LRRC4C: variants seen among roughly 807,000 people sequenced by gnomAD.
LRRC4C encodes leucine-rich repeat-containing protein 4C.
LRRC4C carries 5 observed loss-of-function variants against 33.6 expected under a neutral mutation model. That is an observed-to-expected ratio of 0.15 (90% confidence interval 0.08 to 0.31). LRRC4C has a LOEUF of 0.31. Ranked by LOEUF, LRRC4C falls within the 10% of genes least tolerant of loss-of-function variation. The pLI is 1.00. For synonymous variants in LRRC4C, 329 were observed against 302.0 expected, an observed-to-expected ratio of 1.09 and a Z score of -0.93; for missense variants, 560 against 796.7, an observed-to-expected ratio of 0.70 and a Z score of 3.58.
At chr11:40,472,684 A>C (rs2138308222) in intron 3 of LRRC4C, among the ~76,000 whole-genome samples, 1 of 151,988 alleles carries the variant, frequency 6.6e-6, no homozygotes, top group Admixed American at 6.5e-5. Flanking sequence ...TGGTTTTTTG[A>C]AAAGATTAAC....
At chr11:40,430,868 A>G (rs1356414747) in intron 3 of LRRC4C, among the ~76,000 whole-genome samples, 3 of 142,246 alleles carry the variant, frequency 2.1e-5, no homozygotes, top group Admixed American at 7.5e-5. Context: ...AACACCGCAT[A>G]TTCTCACTCA....
At chr11:41,283,457 G>C (rs904075009) in intron 1 of LRRC4C, among the ~76,000 whole-genome samples, 3 of 152,142 alleles carry the variant, frequency 2.0e-5, no homozygotes, top group African/African-American at 7.2e-5. Flanking sequence ...GCCTGTTTTT[G>C]AAAGGGCCCC....
At chr11:40,896,110 T>C (rs1955928131) in intron 2 of LRRC4C, among the ~76,000 whole-genome samples, 1 of 152,188 alleles carries the variant, frequency 6.6e-6, no homozygotes, top group Non-Finnish European at 1.5e-5. Flanking sequence ...TTATGTTTCC[T>C]TCACCTCTAT....
chr11:41,170,637 A>T (rs1160445787), intron 1 of LRRC4C, among the ~76,000 whole-genome samples: 1 of 152,362 alleles, frequency 6.6e-6, no homozygotes, highest in East Asian at 1.9e-4. Flanking sequence ...TGTTAGACCT[A>T]AAACCATAAA....
chr11:40,510,383 T>C (rs914017464), intron 3 of LRRC4C, among the ~76,000 whole-genome samples: 2 of 151,880 alleles, frequency 1.3e-5, no homozygotes, highest in African/African-American at 2.4e-5. Flanking sequence ...ATGGGTCTAG[T>C]TGATTTCGTA....
intron 1 of LRRC4C, among the ~76,000 whole-genome samples, chr11:41,374,691 T>C (rs540397681): frequency 6.6e-6 from 1 of 152,310 alleles, no homozygotes; most frequent in East Asian, 1.9e-4. Context: ...AGGATTTACA[T>C]ATAGACAGGG....
intron 1 of LRRC4C, among the ~76,000 whole-genome samples, chr11:41,341,237 C>G (rs375870033): frequency 6.6e-6 from 1 of 152,002 alleles, no homozygotes; most frequent in Admixed American, 6.6e-5. Flanking sequence ...CTTAGAATGA[C>G]CTAGTTCTTT....
intron 3 of LRRC4C, among the ~76,000 whole-genome samples, chr11:40,569,279 A>T (rs1048646094): frequency 3.9e-5 from 6 of 152,178 alleles, no homozygotes; most frequent in African/African-American, 1.4e-4. Context: ...TCAGATGCTG[A>T]AACTGATATA....
chr11:40,756,679 T>C (rs1421464359), intron 2 of LRRC4C, among the ~76,000 whole-genome samples: 2 of 152,232 alleles, frequency 1.3e-5, no homozygotes, highest in Admixed American at 6.6e-5. Context: ...TAAAACGTCC[T>C]CAAAATGCAA....
intron 4 of LRRC4C, among the ~76,000 whole-genome samples, chr11:40,268,983 C>T (rs1218445430): frequency 6.6e-6 from 1 of 152,158 alleles, no homozygotes; most frequent in African/African-American, 2.4e-5. Flanking sequence ...GAATTCAGTA[C>T]TTTTTGGCTT....
intron 3 of LRRC4C, among the ~76,000 whole-genome samples, chr11:40,577,832 CTTT>C (rs56061263): frequency 0.01 from 1,243 of 119,216 alleles, 9 homozygotes; most frequent in African/African-American, 0.038. Context: ...TTTCTTTTTT[CTTT>C]TTTTTTTTTT....
intron 5 of LRRC4C, among the ~76,000 whole-genome samples, chr11:40,230,046 T>C (rs1404040810): frequency 6.6e-6 from 1 of 152,194 alleles, no homozygotes; most frequent in Admixed American, 6.5e-5. Context: ...TCCACATCCT[T>C]GGCAGTCAGA....
chr11:40,856,033 T>C (rs1312590083), intron 2 of LRRC4C, among the ~76,000 whole-genome samples: 3 of 152,154 alleles, frequency 2.0e-5, no homozygotes, highest in African/African-American at 7.2e-5. Context: ...TTACTTTTTC[T>C]TTCTGTGGTA....
intron 1 of LRRC4C, among the ~76,000 whole-genome samples, chr11:41,039,177 G>T (rs1413066215): frequency 1.3e-5 from 2 of 152,090 alleles, no homozygotes; most frequent in Non-Finnish European, 2.9e-5. Flanking sequence ...CACAGGGGTC[G>T]TATATAACCT....
chr11:41,364,866 T>C (rs1952478722), intron 1 of LRRC4C, among the ~76,000 whole-genome samples: 1 of 152,112 alleles, frequency 6.6e-6, no homozygotes, highest in African/African-American at 2.4e-5. Flanking sequence ...ATTCACTGAG[T>C]TTCAACCCTT....
At chr11:41,385,029 T>A (rs943014684) in intron 1 of LRRC4C, among the ~76,000 whole-genome samples, 4 of 150,780 alleles carry the variant, frequency 2.7e-5, no homozygotes, top group Admixed American at 2.6e-4. Flanking sequence ...ATATAGTCAG[T>A]ATACAATTGT....
chr11:41,455,467 C>T (rs1956146903), intron 1 of LRRC4C, among the ~76,000 whole-genome samples: 1 of 152,106 alleles, frequency 6.6e-6, no homozygotes, highest in Admixed American at 6.6e-5. Flanking sequence ...ACACACGACA[C>T]ATACACATAT....
chr11:40,200,784 A>AAAAAAAAAAAAG (rs71060946), intron 5 of LRRC4C, among the ~76,000 whole-genome samples: 1,134 of 78,524 alleles, frequency 0.014, 7 homozygotes, highest in Middle Eastern at 0.03. Flanking sequence ...AAAAAAAAAA[A>AAAAAAAAAAAAG]AAAAGAAAAG....
chr11:40,418,766 A>G (rs1264736123), intron 3 of LRRC4C, among the ~76,000 whole-genome samples: 1 of 152,224 alleles, frequency 6.6e-6, no homozygotes, highest in African/African-American at 2.4e-5. Flanking sequence ...TACACCATTG[A>G]ATACTATGCA....
Sources: gnomAD v4.1 joint callset for allele counts (sites outside exome capture counted in the v4.1 genomes callset) on GRCh38, gnomAD v4.1.1 for gene constraint, MANE v1.5 for transcripts, NCBI Gene and HGNC (gene_info 2026-07-23, HGNC 2026-07-21) for gene names.